Variants in NDFIP2 observed in about 807,000 individuals in gnomAD.
The protein encoded by NDFIP2 is NEDD4 family-interacting protein 2.
Under a neutral mutation model 36.0 loss-of-function variants are expected in NDFIP2, and 19 were observed. The ratio of observed to expected loss-of-function variants is 0.53; its 90% CI spans 0.37 to 0.77. The LOEUF (loss-of-function observed/expected upper bound fraction) is 0.77, where lower values mean the gene tolerates loss of function less well. Ranked by LOEUF, NDFIP2 falls within the 30% of genes least tolerant of loss-of-function variation. The probability of loss-of-function intolerance (pLI) is 0.00; values close to 1 mark genes in which losing one functional copy is unlikely to be tolerated. For missense variants in NDFIP2, 446 were observed against 435.8 expected (o/e 1.02, Z -0.21); for synonymous variants, 181 against 167.7 (o/e 1.08, Z -0.61).
chr13:79,531,313 C>T (rs1192172821), intron 2 of NDFIP2, among the ~76,000 whole-genome samples: 1 of 152,192 alleles, frequency 6.6e-6, no homozygotes, highest in African/African-American at 2.4e-5. Flanking sequence ...GTAGACTGAG[C>T]ATAATTCTTA....
At chr13:79,491,794 A>C (rs1230736999) in intron 1 of NDFIP2, among the ~76,000 whole-genome samples, 1 of 152,200 alleles carries the variant, frequency 6.6e-6, no homozygotes, top group Non-Finnish European at 1.5e-5. Flanking sequence ...ATGCAATTGT[A>C]AATCATCGTA....
rs548584718 is a variant in NDFIP2 at position 79,555,181 on chromosome 13, G to A, written c.*2668G>A. ...AAAACCTCTCCTAACAGGAAAAGTG[G>A]AGTTCAAAATATCCAATTGGAGAAA... On this transcript the variant is annotated 3_prime_UTR_variant, in exon 8 of 8. Transcript: ENST00000218652. 1 of 149,876 alleles carries A rather than the reference G, an allele frequency of 6.7e-6. No individual in the cohort carries two copies. Among genetic ancestry groups the A allele is most frequent in the Non-Finnish European group, 1.5e-5 (1 of 67,334 alleles). The allele number at this position is 149,876 out of a possible 1,614,324, so 9.3% of individuals were successfully genotyped here.
At chr13:79,498,768 A>G (rs1050441722) in intron 1 of NDFIP2, among the ~76,000 whole-genome samples, 1 of 152,036 alleles carries the variant, frequency 6.6e-6, no homozygotes, top group East Asian at 1.9e-4. Context: ...ACACCTCTCA[A>G]CATTGTTGCA....
At chr13:79,513,294 G>C (rs182679371) in intron 1 of NDFIP2, among the ~76,000 whole-genome samples, 2 of 152,284 alleles carry the variant, frequency 1.3e-5, no homozygotes, top group Admixed American at 6.5e-5. Flanking sequence ...TGTCTACTTT[G>C]TTTAACACAC....
chr13:79,500,556 A>G (rs1269389283), intron 1 of NDFIP2, among the ~76,000 whole-genome samples: 3 of 152,058 alleles, frequency 2.0e-5, no homozygotes, highest in African/African-American at 4.8e-5. Context: ...ACAGATGGCA[A>G]GTAAGCAAAT....
intron 3 of NDFIP2, among the ~76,000 whole-genome samples, chr13:79,538,255 C>G (rs973825711): frequency 6.6e-6 from 1 of 152,074 alleles, no homozygotes; most frequent in African/African-American, 2.4e-5. Context: ...GGACACAGAT[C>G]GAACCATATA....
At chr13:79,502,295 G>A (rs1291388255) in intron 1 of NDFIP2, among the ~76,000 whole-genome samples, 1 of 152,048 alleles carries the variant, frequency 6.6e-6, no homozygotes, top group Non-Finnish European at 1.5e-5. Context: ...AATTAAATAA[G>A]ACAGTACATC....
intron 5 of NDFIP2, among the ~76,000 whole-genome samples, chr13:79,546,997 T>C (rs1164891564): frequency 6.6e-6 from 1 of 152,038 alleles, no homozygotes; most frequent in African/African-American, 2.4e-5. Flanking sequence ...ATGGGATTTA[T>C]GTTTTTAGTA....
At chr13:79,543,440 G>T (rs556749070) in intron 4 of NDFIP2, 118 bp from the exon 5 acceptor site, 33 of 1,294,388 alleles carry the variant, frequency 2.5e-5, no homozygotes, top group Non-Finnish European at 3.5e-5. Flanking sequence ...GGCTTAATTG[G>T]CAGAGTTAAA....
intron 5 of NDFIP2, 45 bp downstream of exon 5, chr13:79,543,727 A>G: frequency 1.3e-6 from 2 of 1,593,974 alleles, no homozygotes; most frequent in East Asian, 4.5e-5. Context: ...CTAAAATGAG[A>G]TGTATGAAAT....
At chr13:79,512,620 C>T (rs1874120691) in intron 1 of NDFIP2, among the ~76,000 whole-genome samples, 1 of 152,104 alleles carries the variant, frequency 6.6e-6, no homozygotes, top group Admixed American at 6.5e-5. Flanking sequence ...GCACATTTGA[C>T]CATTTGTGGA....
At chr13:79,503,541 G>GT (rs1463270965) in intron 1 of NDFIP2, among the ~76,000 whole-genome samples, 1 of 152,058 alleles carries the variant, frequency 6.6e-6, no homozygotes, top group Non-Finnish European at 1.5e-5. Context: ...AGGCCAGAAG[G>GT]TTGGGATAAG....
rs565961829 is a variant in NDFIP2 at position 79,521,242 on chromosome 13, G to T, written c.487+267G>T. ...GAATGTGGTATATGTGACTGTAGGT[G>T]AAGGGTGTACGTAGTGATATCCCAT... On this transcript the variant is annotated intron_variant, in intron 2 of 7. Coordinates refer to ENST00000218652, the MANE Select transcript of NDFIP2 (RefSeq NM_019080.3). Among the ~76,000 whole-genome samples, 4 of 152,242 alleles carry T rather than the reference G, an allele frequency of 2.6e-5. No homozygotes were observed. In the East Asian group the frequency reaches 7.7e-4, roughly 29 times the overall value.
chr13:79,513,512 T>C (rs78277168), intron 1 of NDFIP2, among the ~76,000 whole-genome samples: 4,208 of 152,250 alleles, frequency 0.028, 132 homozygotes, highest in African/African-American at 0.08. Context: ...CATATAGATA[T>C]TAATGACATA....
intron 1 of NDFIP2, among the ~76,000 whole-genome samples, chr13:79,507,133 T>G (rs571212430): frequency 9.2e-5 from 14 of 152,150 alleles, no homozygotes. Flanking sequence ...GGGCATATAA[T>G]ATTTGCTTTC....
chr13:79,510,854 C>T (rs1286522183), intron 1 of NDFIP2, among the ~76,000 whole-genome samples: 2 of 151,802 alleles, frequency 1.3e-5, no homozygotes, highest in African/African-American at 4.8e-5. Context: ...CAAAAATTAC[C>T]CAGGTCTGGT....
At chr13:79,519,242 G>A (rs1169025378) in intron 1 of NDFIP2, 1 of 152,000 alleles carries the variant, frequency 6.6e-6, no homozygotes, top group African/African-American at 2.4e-5. Flanking sequence ...AGAGTAACAG[G>A]AATAAATTAA....
At chr13:79,496,782 C>G (rs1175009339) in intron 1 of NDFIP2, among the ~76,000 whole-genome samples, 1 of 151,156 alleles carries the variant, frequency 6.6e-6, no homozygotes, top group East Asian at 1.9e-4. Context: ...ATAATTTTAC[C>G]ATTTCTTTCC....
chr13:79,508,509 T>A (rs998926714), intron 1 of NDFIP2, among the ~76,000 whole-genome samples: 2 of 152,234 alleles, frequency 1.3e-5, no homozygotes, highest in African/African-American at 4.8e-5. Flanking sequence ...ATGCCTCCCC[T>A]TTTTAGACCA....
Sources: gnomAD v4.1 joint callset for allele counts (sites outside exome capture counted in the v4.1 genomes callset) on GRCh38, gnomAD v4.1.1 for gene constraint, MANE v1.5 for transcripts, NCBI Gene and HGNC (gene_info 2026-07-23, HGNC 2026-07-21) for gene names.